The following TEX9 variants were observed in gnomAD, a reference collection of about 807,000 sequenced individuals.
TEX9 encodes the protein testis-expressed protein 9.
In TEX9, 74 loss-of-function variants were observed where a neutral mutation model predicts 59.6. The ratio of observed to expected loss-of-function variants is 1.24; its 90% confidence interval spans 1.03 to 1.51. TEX9 has a LOEUF of 1.51. Among genes scored for constraint, TEX9 ranks in the 40% most tolerant of loss-of-function variants. TEX9 has a pLI of 0.00. For synonymous variants in TEX9, 186 were observed against 152.2 expected (o/e 1.22, Z -1.64); for missense variants, 522 against 447.8 (o/e 1.17, Z -1.49).
intron 9 of TEX9, among the ~76,000 whole-genome samples, chr15:56,403,268 A>G (rs894851951): frequency 1.6e-4 from 24 of 152,378 alleles, no homozygotes; most frequent in African/African-American, 5.5e-4. Context: ...CCTTAAGCTG[A>G]TGAGGAACTT....
intron 1 of TEX9, among the ~76,000 whole-genome samples, chr15:56,297,567 C>T (rs912690433): frequency 6.6e-6 from 1 of 152,148 alleles, no homozygotes; most frequent in Non-Finnish European, 1.5e-5. Context: ...TGCAGTGGTG[C>T]GATCTTGGCT....
intron 1 of TEX9, among the ~76,000 whole-genome samples, chr15:56,345,615 G>T (rs2046456609): frequency 1.3e-5 from 2 of 152,298 alleles, no homozygotes; most frequent in South Asian, 4.1e-4. Flanking sequence ...TAAGGGGGAA[G>T]TGTCAGCCAA....
chr15:56,395,537 G>C (rs868266525), intron 9 of TEX9: 1 of 152,132 alleles, frequency 6.6e-6, no homozygotes, highest in African/African-American at 2.4e-5. Context: ...TTGACCTTTT[G>C]AGGAATTGCT....
chr15:56,274,192 T>A (rs1335712649), intron 1 of TEX9, among the ~76,000 whole-genome samples: 1 of 152,240 alleles, frequency 6.6e-6, no homozygotes. Flanking sequence ...TTTTTCTTTT[T>A]GTCCTTCAAT....
At chr15:56,445,383 G>C (rs1382721556) in intron 12 of TEX9, among the ~76,000 whole-genome samples, 1 of 151,912 alleles carries the variant, frequency 6.6e-6, no homozygotes, top group African/African-American at 2.4e-5. Context: ...AATATACTGA[G>C]GCAATTTTTT....
intron 1 of TEX9, among the ~76,000 whole-genome samples, chr15:56,340,633 C>T (rs2046354732): frequency 6.6e-6 from 1 of 152,104 alleles, no homozygotes; most frequent in Non-Finnish European, 1.5e-5. Context: ...CCACTCTATG[C>T]TCTACTTCCC....
intron 1 of TEX9, among the ~76,000 whole-genome samples, chr15:56,276,928 C>A (rs1196222353): frequency 1.3e-5 from 2 of 152,124 alleles, no homozygotes; most frequent in African/African-American, 4.8e-5. Flanking sequence ...TGATGATGAG[C>A]CTTTTTTCAT....
At chr15:56,273,602 G>A (rs1320232394) in intron 1 of TEX9, among the ~76,000 whole-genome samples, 3 of 152,102 alleles carry the variant, frequency 2.0e-5, no homozygotes, top group African/African-American at 7.2e-5. Context: ...TTAAATTTCT[G>A]TCTAGCTCTG....
intron 12 of TEX9, among the ~76,000 whole-genome samples, chr15:56,441,774 G>A (rs533668302): frequency 6.6e-6 from 1 of 152,136 alleles, no homozygotes; most frequent in Non-Finnish European, 1.5e-5. Flanking sequence ...CAGCACTTTG[G>A]GAGGCCAAGG....
chr15:56,300,708 G>GAGGGA (rs2045331855), intron 1 of TEX9, among the ~76,000 whole-genome samples: 13 of 102,672 alleles, frequency 1.3e-4, no homozygotes, highest in East Asian at 7.3e-4. Flanking sequence ...AGAGAGAGAG[G>GAGGGA]GAGAGAGAGA....
At chr15:56,456,791 A>G in the TEX9 span, among the ~76,000 whole-genome samples, 3 of 152,090 alleles carry the variant, frequency 2.0e-5, no homozygotes, top group African/African-American at 4.8e-5. Flanking sequence ...CATTCTGCTA[A>G]TCTTTTTTCT....
chr15:56,322,057 C>T (rs2045915759), intron 1 of TEX9, among the ~76,000 whole-genome samples: 1 of 151,972 alleles, frequency 6.6e-6, no homozygotes, highest in Non-Finnish European at 1.5e-5. Flanking sequence ...ACAGCACAAA[C>T]AGTAAATTTT....
intron 3 of TEX9, among the ~76,000 whole-genome samples, chr15:56,379,061 C>T (rs1229663813): frequency 7.9e-6 from 1 of 127,008 alleles, no homozygotes; most frequent in Admixed American, 8.4e-5. Context: ...TTCTCTCTAT[C>T]TCAAAGAAAC....
intron 1 of TEX9, among the ~76,000 whole-genome samples, chr15:56,259,425 A>G (rs1483286187): frequency 6.6e-6 from 1 of 152,072 alleles, no homozygotes; most frequent in African/African-American, 2.4e-5. Context: ...AATCAGCATT[A>G]ATTTTTGTAG....
chr15:56,329,409 G>A (rs1393615781), intron 1 of TEX9, among the ~76,000 whole-genome samples: 2 of 152,054 alleles, frequency 1.3e-5, no homozygotes, highest in African/African-American at 2.4e-5. Context: ...AGACCATCAA[G>A]GAAAACATAA....
intron 1 of TEX9, among the ~76,000 whole-genome samples, chr15:56,293,388 A>AAAAAAAT (rs1158148430): frequency 6.6e-6 from 1 of 152,216 alleles, no homozygotes; most frequent in Non-Finnish European, 1.5e-5. Flanking sequence ...AAAAAAAATA[A>AAAAAAAT]AAAGAAGGAA....
chr15:56,274,752 G>A (rs1348683250), intron 1 of TEX9: 1 of 151,842 alleles, frequency 6.6e-6, no homozygotes, highest in Non-Finnish European at 1.5e-5. Flanking sequence ...CCATTATTGT[G>A]TATGTGGGAG....
downstream of TEX9, chr15:56,446,999 C>T: frequency 1.6e-6 from 2 of 1,248,040 alleles, no homozygotes; most frequent in Non-Finnish European, 1.1e-6. Flanking sequence ...GAATGAAAAC[C>T]TCACAGAAAA....
intron 10 of TEX9, among the ~76,000 whole-genome samples, chr15:56,422,589 C>T (rs1391307055): frequency 6.6e-6 from 1 of 151,794 alleles, no homozygotes; most frequent in Admixed American, 6.6e-5. Flanking sequence ...CATTACCCCC[C>T]ACCCTTTCTG....
Sources: gnomAD v4.1 joint callset for allele counts (sites outside exome capture counted in the v4.1 genomes callset) on GRCh38, gnomAD v4.1.1 for gene constraint, MANE v1.5 for transcripts, NCBI Gene and HGNC (gene_info 2026-07-23, HGNC 2026-07-21) for gene names.